Variants in CCNH observed in about 807,000 individuals in gnomAD.
CCNH encodes cyclin H.
In CCNH, 31 loss-of-function variants were observed where a neutral mutation model predicts 41.9. The ratio of observed to expected loss-of-function variants is 0.74; its 90% CI spans 0.56 to 1.00. The LOEUF (loss-of-function observed/expected upper bound fraction) is 1.00, where lower values mean the gene tolerates loss of function less well. CCNH is among the 50% of genes least tolerant of loss of function. The pLI, the probability that CCNH is intolerant of heterozygous loss-of-function variation, is 0.00. For missense variants in CCNH, 362 were observed against 388.4 expected (o/e 0.93, Z 0.57); for synonymous variants, 138 against 136.1 (o/e 1.01, Z -0.10).
At chr5:87,331,031 A>G in intron 9 of CCNH, 4 of 1,320,708 alleles carry the variant, frequency 3.0e-6, no homozygotes, top group Non-Finnish European at 4.0e-6. Context: ...TTTTCTAAGT[A>G]AAGATCTGGT....
upstream of CCNH, among the ~76,000 whole-genome samples, chr5:87,379,129 A>G (rs191534021): frequency 5.9e-5 from 9 of 152,326 alleles, no homozygotes; most frequent in East Asian, 9.6e-4. Context: ...GTTTTTGACA[A>G]TGGACACTGG....
chr5:87,363,910 A>G (rs1035904810), intron 9 of CCNH, among the ~76,000 whole-genome samples: 2 of 152,098 alleles, frequency 1.3e-5, no homozygotes, highest in African/African-American at 4.8e-5. Flanking sequence ...AAATAATCTT[A>G]AAATTGTCTT....
downstream of CCNH, chr5:87,374,046 A>G (rs1484477908): frequency 1.1e-6 from 1 of 935,560 alleles, no homozygotes. Context: ...TTTCTGAAAA[A>G]AAAGGGGAAA....
chr5:87,411,396 C>T (rs1363642877), intron 1 of CCNH, 50 bp from the exon 2 acceptor site: 30 of 1,542,604 alleles, frequency 1.9e-5, no homozygotes, highest in Non-Finnish European at 2.5e-5. Context: ...ATGAATTAAA[C>T]AATTGTAAAA....
chr5:87,380,601 G>T, upstream of CCNH: 13 of 1,603,388 alleles, frequency 8.1e-6, no homozygotes, highest in Non-Finnish European at 1.1e-5. Context: ...GTTAGGTAAG[G>T]CTCATCAATT....
downstream of CCNH, among the ~76,000 whole-genome samples, chr5:87,388,439 C>G (rs1351365286): frequency 6.6e-6 from 1 of 152,100 alleles, no homozygotes. Context: ...GCTAAAAAAT[C>G]CAAAACTTGT....
chr5:87,326,896 C>T (rs1757271788), intron 9 of CCNH, among the ~76,000 whole-genome samples: 1 of 152,188 alleles, frequency 6.6e-6, no homozygotes, highest in South Asian at 2.1e-4. Context: ...CTCCTGTTCT[C>T]TTCCCCAAAT....
chr5:87,390,744 C>T, downstream of CCNH: 1 of 1,446,890 alleles, frequency 6.9e-7, no homozygotes, highest in Non-Finnish European at 9.7e-7. Context: ...AGGTTCCCAT[C>T]CTGAAATTGC....
chr5:87,383,933 T>C (rs1761900336), intron 9 of CCNH, among the ~76,000 whole-genome samples: 1 of 152,052 alleles, frequency 6.6e-6, no homozygotes, highest in Admixed American at 6.6e-5. Context: ...TCCTTCCTTG[T>C]GCTTGTGCTT....
chr5:87,343,351 C>T (rs978730839), intron 9 of CCNH, among the ~76,000 whole-genome samples: 8 of 152,136 alleles, frequency 5.3e-5, no homozygotes, highest in Admixed American at 2.0e-4. Flanking sequence ...CAGTAACCTC[C>T]AAGTTGATCT....
downstream of CCNH, among the ~76,000 whole-genome samples, chr5:87,371,377 A>C (rs1760928022): frequency 6.6e-6 from 1 of 152,038 alleles, no homozygotes; most frequent in South Asian, 2.1e-4. Flanking sequence ...TGAAATAGCC[A>C]ACAAACTAAA....
At chr5:87,405,065 C>G in intron 4 of CCNH, 58 bp from the exon 5 acceptor site, 2 of 1,283,160 alleles carry the variant, frequency 1.6e-6, no homozygotes, top group Non-Finnish European at 2.2e-6. Context: ...AGTATAACAA[C>G]AGTTTAAAAA....
intron 3 of CCNH, 155 bp downstream of exon 3, chr5:87,409,135 T>TAAAA: frequency 5.7e-6 from 2 of 349,408 alleles, no homozygotes; most frequent in African/African-American, 2.3e-5. Context: ...AAGTTCTGAA[T>TAAAA]AAAAAAAAAA....
At chr5:87,339,567 C>G (rs557989887) in intron 9 of CCNH, among the ~76,000 whole-genome samples, 19 of 151,980 alleles carry the variant, frequency 1.3e-4, no homozygotes, top group Non-Finnish European at 1.9e-4. Context: ...TCTTGGAATT[C>G]TGGATCAAAT....
intron 9 of CCNH, among the ~76,000 whole-genome samples, chr5:87,385,050 T>G (rs1761973604): frequency 6.6e-6 from 1 of 152,112 alleles, no homozygotes; most frequent in Non-Finnish European, 1.5e-5. Flanking sequence ...TGCTGAGTTT[T>G]GTAGTACCCT....
At chr5:87,317,005 C>G (rs1756391899), downstream of CCNH, among the ~76,000 whole-genome samples, 1 of 152,056 alleles carries the variant, frequency 6.6e-6, no homozygotes, top group East Asian at 1.9e-4. Flanking sequence ...GCCTCAGACT[C>G]CCGAGTAGCT....
chr5:87,349,247 C>G, intron 9 of CCNH: 1 of 1,612,048 alleles, frequency 6.2e-7, no homozygotes, highest in Non-Finnish European at 8.5e-7. Context: ...GTGAGGCCCT[C>G]AGATAATACT....
intron 9 of CCNH, chr5:87,383,562 CT>C: frequency 1.8e-6 from 1 of 559,316 alleles, no homozygotes; most frequent in Admixed American, 3.3e-5. Flanking sequence ...TTTCTTAAAG[CT>C]TTCTGTGTCT....
At chr5:87,337,867 C>G (rs950834147) in intron 9 of CCNH, 9 of 1,211,800 alleles carry the variant, frequency 7.4e-6, no homozygotes, top group African/African-American at 1.5e-5. Context: ...TAATTCCTTA[C>G]ATTTTTCAAT....
Sources: allele counts gnomAD v4.1 joint callset (sites outside exome capture counted in the v4.1 genomes callset), GRCh38; gene constraint gnomAD v4.1.1; transcripts MANE v1.5; gene names NCBI Gene and HGNC (gene_info 2026-07-23, HGNC 2026-07-21).